The following PLS1 variants were observed in gnomAD, a reference collection of about 807,000 sequenced individuals.
The protein encoded by PLS1 is plastin-1.
PLS1 carries 32 observed loss-of-function variants against 73.7 expected under a neutral mutation model. The ratio of observed to expected loss-of-function variants is 0.43; its 90% CI spans 0.33 to 0.58. The LOEUF is 0.58. PLS1 is among the 20% of genes least tolerant of loss of function. The pLI is 0.04. For synonymous variants in PLS1, 217 were observed against 261.3 expected (o/e 0.83, Z 1.63); for missense variants, 633 against 740.5 (o/e 0.85, Z 1.68).
At chr3:142,685,073 T>G (rs887580812) in intron 8 of PLS1, among the ~76,000 whole-genome samples, 2 of 151,462 alleles carry the variant, frequency 1.3e-5, no homozygotes, top group African/African-American at 4.8e-5. Flanking sequence ...TGTTCCGTCT[T>G]TAGCTATATA....
At chr3:142,627,165 A>G (rs1277484829) in intron 1 of PLS1, among the ~76,000 whole-genome samples, 1 of 152,150 alleles carries the variant, frequency 6.6e-6, no homozygotes, top group Non-Finnish European at 1.5e-5. Flanking sequence ...TTCTGAGTAG[A>G]CAAGGGTGTG....
chr3:142,628,153 G>A (rs1340842883), intron 1 of PLS1, among the ~76,000 whole-genome samples: 1 of 152,084 alleles, frequency 6.6e-6, no homozygotes, highest in Non-Finnish European at 1.5e-5. Context: ...ATTGCTTTTG[G>A]CCATTCAGGA....
chr3:142,643,830 T>A (rs936663278), intron 1 of PLS1, among the ~76,000 whole-genome samples: 5 of 88,558 alleles, frequency 5.6e-5, no homozygotes, highest in Non-Finnish European at 8.7e-5. Flanking sequence ...ATTTCATTTT[T>A]TTTTTTTTTT....
intron 14 of PLS1, among the ~76,000 whole-genome samples, chr3:142,709,278 T>C (rs1932993914): frequency 6.6e-6 from 1 of 152,160 alleles, no homozygotes; most frequent in Admixed American, 6.5e-5. Context: ...CACATGATTT[T>C]CATGTAGGTG....
chr3:142,647,753 T>G (rs1434583934), intron 1 of PLS1, among the ~76,000 whole-genome samples: 1 of 152,098 alleles, frequency 6.6e-6, no homozygotes, highest in African/African-American at 2.4e-5. Context: ...TGTTCATTTT[T>G]CAATTCATTT....
intron 12 of PLS1, among the ~76,000 whole-genome samples, chr3:142,699,020 A>G (rs990676768): frequency 2.0e-5 from 3 of 152,180 alleles, no homozygotes; most frequent in African/African-American, 7.2e-5. Context: ...CAAACACTGC[A>G]TGTTCTCACT....
chr3:142,628,204 G>C lies in PLS1; in HGVS notation c.-37+31695G>C, dbSNP rs144919763. The stretch of plus-strand genomic sequence containing the variant: ...TGAAAGGAACATGGAACTGGGACTC[G>C]GGCACACTGAAAATACTACCAGCTT... On this transcript the variant is annotated intron_variant, in intron 1 of 15. Coordinates refer to ENST00000457734, the MANE Select transcript of PLS1 (RefSeq NM_001145319.2). Among the ~76,000 whole-genome samples the C allele has an allele frequency of 4.1e-3, 618 of 152,150 alleles. 4 individuals are homozygous for C. The highest frequency in any genetic ancestry group is 0.014 in the African/African-American group (592 of 41,490).
At position 142,669,477 on chromosome 3, in the gene PLS1, G is replaced by A. The variant is rs757919995; in HGVS notation, c.158G>A (p.Arg53His). 85 of 1,613,494 alleles carry A rather than the reference G, an allele frequency of 5.3e-5. No individual in the cohort carries two copies. The highest frequency in any genetic ancestry group is 1.1e-4 in the South Asian group (10 of 91,052). ...CTTCCTCTGCCTGGCTACAAGGTGC[G>A]CGAGATTGTGGAGAAAATTCTATCA... Reference protein sequence around the residue: ...ASLPLPGYKVREIVEKILSVA... With the variant: ...ASLPLPGYKVHEIVEKILSVA... The change falls in exon 3 of 16, where the codon CGC becomes CAC. Residue 53 changes from arginine (R) to histidine (H), a missense_variant. Coordinates refer to ENST00000457734, the MANE Select transcript of PLS1 (RefSeq NM_001145319.2).
At chr3:142,674,675 G>T (rs2037681770) in intron 4 of PLS1, among the ~76,000 whole-genome samples, 1 of 152,124 alleles carries the variant, frequency 6.6e-6, no homozygotes, top group Non-Finnish European at 1.5e-5. Context: ...AGAAGTTGTT[G>T]GATGAAGATG....
intron 5 of PLS1, among the ~76,000 whole-genome samples, chr3:142,677,172 A>T (rs2037740860): frequency 6.6e-6 from 1 of 152,170 alleles, no homozygotes; most frequent in Non-Finnish European, 1.5e-5. Flanking sequence ...TTTCTCTGAA[A>T]ATGTCTAAAT....
At chr3:142,614,292 G>A (rs1329883492) in intron 1 of PLS1, among the ~76,000 whole-genome samples, 1 of 152,228 alleles carries the variant, frequency 6.6e-6, no homozygotes, top group African/African-American at 2.4e-5. Context: ...ATTAGCAGCG[G>A]CAGGCAGTAG....
intron 1 of PLS1, among the ~76,000 whole-genome samples, chr3:142,633,767 C>A (rs1241473826): frequency 2.6e-5 from 4 of 152,020 alleles, no homozygotes; most frequent in African/African-American, 9.7e-5. Flanking sequence ...AAACTGTTAC[C>A]CAACAAAGTA....
chr3:142,657,243 T>C (rs2037259731), intron 1 of PLS1: 2 of 152,274 alleles, frequency 1.3e-5, no homozygotes, highest in Non-Finnish European at 2.9e-5. Context: ...TGCTGGCACC[T>C]AGAGATTTCC....
intron 1 of PLS1, among the ~76,000 whole-genome samples, chr3:142,597,989 C>T (rs371102443): frequency 2.6e-5 from 4 of 152,300 alleles, no homozygotes; most frequent in East Asian, 1.9e-4. Context: ...CCTCAGTCAC[C>T]TGGGCCCTTT....
At chr3:142,597,039 A>G (rs746558079) in intron 1 of PLS1, among the ~76,000 whole-genome samples, 1 of 152,274 alleles carries the variant, frequency 6.6e-6, no homozygotes, top group Non-Finnish European at 1.5e-5. Context: ...TCCGTGTTTC[A>G]GCTGCATTTT....
intron 1 of PLS1, among the ~76,000 whole-genome samples, chr3:142,600,916 ATTTTTT>A (rs1170933037): frequency 2.0e-4 from 3 of 14,836 alleles, no homozygotes; most frequent in African/African-American, 2.8e-4. Flanking sequence ...ATATATATAT[ATTTTTT>A]TTTTTTTTTT....
intron 1 of PLS1, among the ~76,000 whole-genome samples, chr3:142,636,298 T>C (rs1315830453): frequency 1.3e-5 from 2 of 152,190 alleles, no homozygotes; most frequent in South Asian, 2.1e-4. Context: ...CTCACACATA[T>C]GGACAACTGA....
chr3:142,626,265 A>G (rs2036425698), intron 1 of PLS1, among the ~76,000 whole-genome samples: 1 of 152,200 alleles, frequency 6.6e-6, no homozygotes, highest in African/African-American at 2.4e-5. Context: ...CTTAGCAAAC[A>G]CAATATGTTA....
intron 8 of PLS1, 60 bp from the exon 9 acceptor site, chr3:142,686,224 C>G (rs938561090): frequency 1.0e-6 from 1 of 1,002,128 alleles, no homozygotes; most frequent in African/African-American, 1.6e-5. Context: ...ACTTGTTTTC[C>G]CTAAATTCAA....
Sources: gnomAD v4.1 joint callset for allele counts (sites outside exome capture counted in the v4.1 genomes callset) on GRCh38, gnomAD v4.1.1 for gene constraint, MANE v1.5 for transcripts, NCBI Gene and HGNC (gene_info 2026-07-23, HGNC 2026-07-21) for gene names.